GRIA4: variants seen among roughly 807,000 people sequenced by gnomAD.
GRIA4 encodes the protein glutamate ionotropic receptor AMPA type subunit 4, also known as glutamate receptor 4.
Under a neutral mutation model 104.0 loss-of-function variants are expected in GRIA4, and 34 were observed. The ratio of observed to expected loss-of-function variants is 0.33; its 90% CI spans 0.25 to 0.44. The LOEUF (loss-of-function observed/expected upper bound fraction) is 0.44, where lower values mean the gene tolerates loss of function less well. GRIA4 is among the 20% of genes least tolerant of loss of function. The probability of loss-of-function intolerance (pLI) is 1.00; values close to 1 mark genes in which losing one functional copy is unlikely to be tolerated. For synonymous variants in GRIA4, 386 were observed against 381.9 expected, an observed-to-expected ratio of 1.01 and a Z score of -0.13; for missense variants, 750 against 1,096.5, an observed-to-expected ratio of 0.68 and a Z score of 4.46.
In GRIA4 at chr11:105,887,451, T is replaced by C. The variant is rs1030584501; in HGVS notation, c.673-68T>C. The C allele has an allele frequency of 5.8e-6, 4 of 684,980 alleles. No homozygotes were observed. The Admixed American group carries it at 7.7e-5, about 13-fold the overall frequency. 42.4% of individuals were successfully genotyped at this position (684,980 alleles called of 1,614,324 possible). A position where few individuals can be genotyped will look rare whatever the true frequency, so the allele number is the denominator to read the frequency against. ...CTACATGGAATTATGCTAAAATAGA[T>C]AATAATTTTAAAATAATATTTCAGT... On this transcript the variant is annotated intron_variant, in intron 5 of 16. Transcript: ENST00000282499.
chr11:105,810,151 T>C (rs539554252), intron 4 of GRIA4, among the ~76,000 whole-genome samples: 4 of 152,292 alleles, frequency 2.6e-5, no homozygotes, highest in Admixed American at 2.0e-4. Context: ...CTGTCCAGCA[T>C]GGAGTTCTAC....
chr11:105,811,996 T>C (rs1002993518), intron 4 of GRIA4, among the ~76,000 whole-genome samples: 7 of 152,158 alleles, frequency 4.6e-5, no homozygotes, highest in Non-Finnish European at 1.0e-4. Context: ...CTGCAGACCG[T>C]GATTTTAGAG....
At chr11:105,938,467 T>C (rs1342388585) in intron 14 of GRIA4, among the ~76,000 whole-genome samples, 1 of 152,196 alleles carries the variant, frequency 6.6e-6, no homozygotes, top group Admixed American at 6.6e-5. Flanking sequence ...GAAGAAACTT[T>C]TAACATGCGT....
At chr11:105,946,293 A>T (rs1166454282) in intron 14 of GRIA4, among the ~76,000 whole-genome samples, 1 of 152,148 alleles carries the variant, frequency 6.6e-6, no homozygotes, top group African/African-American at 2.4e-5. Flanking sequence ...CAAGTGAAAG[A>T]ATTTAAAGGG....
chr11:105,858,595 A>G (rs1945104502), intron 4 of GRIA4, among the ~76,000 whole-genome samples: 1 of 152,080 alleles, frequency 6.6e-6, no homozygotes, highest in Non-Finnish European at 1.5e-5. Flanking sequence ...ATCAAAGACT[A>G]TATCTTATTT....
rs117494655 is a variant in GRIA4 at position 105,827,676 on chromosome 11, T to C, written c.488-34348T>C. 9.3e-3 allele frequency among the ~76,000 whole-genome samples: 1,409 copies of C among 152,038 alleles called. 7 individuals carry two copies. Among genetic ancestry groups the C allele is most frequent in the Non-Finnish European group, 0.014 (957 of 67,934 alleles). ...CAGTGCTGCAGAGCTAGAGAAGAAATAGAGCTATGCAGTATAACTGCTGAT... is the reference window on the plus strand; with the variant it reads ...CAGTGCTGCAGAGCTAGAGAAGAAACAGAGCTATGCAGTATAACTGCTGAT... On this transcript the variant is annotated intron_variant, in intron 4 of 16. Coordinates refer to ENST00000282499, the MANE Select transcript of GRIA4 (RefSeq NM_000829.4).
At chr11:105,912,036 C>T (rs947329653) in intron 10 of GRIA4, 2 of 1,166,002 alleles carry the variant, frequency 1.7e-6, no homozygotes, top group East Asian at 4.1e-5. Context: ...CTCTGGACTA[C>T]CAGAAAAAAA....
intron 6 of GRIA4, among the ~76,000 whole-genome samples, chr11:105,887,816 G>A (rs964124450): frequency 3.9e-5 from 6 of 152,038 alleles, no homozygotes; most frequent in African/African-American, 1.2e-4. Context: ...ACTTTGCTAC[G>A]ATACCACTTG....
intron 14 of GRIA4, among the ~76,000 whole-genome samples, chr11:105,948,847 T>G (rs146031433): frequency 5.4e-4 from 82 of 152,178 alleles, no homozygotes; most frequent in African/African-American, 1.7e-3. Flanking sequence ...CACCTCGGCC[T>G]CCGTAAGTGC....
At chr11:105,748,667 G>A (rs1939816527) in intron 3 of GRIA4, among the ~76,000 whole-genome samples, 1 of 152,170 alleles carries the variant, frequency 6.6e-6, no homozygotes, top group African/African-American at 2.4e-5. Flanking sequence ...ACAGGCATGA[G>A]CCACCGCGCC....
At chr11:105,631,874 A>G (rs142357319) in intron 3 of GRIA4, among the ~76,000 whole-genome samples, 199 of 152,286 alleles carry the variant, frequency 1.3e-3, no homozygotes, top group African/African-American at 4.4e-3. Flanking sequence ...AAGACTTAAT[A>G]AAGTGGAGTT....
intron 5 of GRIA4, among the ~76,000 whole-genome samples, chr11:105,866,003 G>A (rs989545926): frequency 4.6e-5 from 7 of 152,096 alleles, no homozygotes; most frequent in Admixed American, 3.9e-4. Flanking sequence ...TATCCCAATG[G>A]GTAGTTGGAT....
intron 3 of GRIA4, among the ~76,000 whole-genome samples, chr11:105,697,666 A>G (rs1440500895): frequency 6.6e-6 from 1 of 152,180 alleles, no homozygotes; most frequent in African/African-American, 2.4e-5. Context: ...CACCCATTTA[A>G]TTAAGATAGA....
intron 3 of GRIA4, among the ~76,000 whole-genome samples, chr11:105,689,223 G>C (rs1362366597): frequency 6.6e-6 from 1 of 152,150 alleles, no homozygotes; most frequent in East Asian, 1.9e-4. Context: ...TGAAATTGGA[G>C]AAAGTGTAAT....
At chr11:105,722,625 T>A (rs1427316859) in intron 3 of GRIA4, among the ~76,000 whole-genome samples, 2 of 152,164 alleles carry the variant, frequency 1.3e-5, no homozygotes, top group Non-Finnish European at 2.9e-5. Context: ...ATAACTTTAC[T>A]GATACTACTA....
chr11:105,847,098 C>A (rs1267664550), intron 4 of GRIA4, among the ~76,000 whole-genome samples: 3 of 152,044 alleles, frequency 2.0e-5, no homozygotes, highest in South Asian at 4.2e-4. Flanking sequence ...AGCACACAAT[C>A]TTTTTGGCAC....
At chr11:105,920,348 T>C (rs1947525499) in intron 11 of GRIA4, among the ~76,000 whole-genome samples, 1 of 152,212 alleles carries the variant, frequency 6.6e-6, no homozygotes, top group Non-Finnish European at 1.5e-5. Context: ...AAACTTTTGA[T>C]ACAGTAAGCA....
chr11:105,739,420 T>C (rs1939173718), intron 3 of GRIA4, among the ~76,000 whole-genome samples: 1 of 152,202 alleles, frequency 6.6e-6, no homozygotes, highest in Admixed American at 6.6e-5. Context: ...TGATCTTTGA[T>C]GGTGCTGTCC....
chr11:105,629,327 T>C (rs1203717604), intron 3 of GRIA4, among the ~76,000 whole-genome samples: 1 of 151,824 alleles, frequency 6.6e-6, no homozygotes. Context: ...GTGATAGTAA[T>C]ACTCTAGATT....
Sources: allele counts gnomAD v4.1 joint callset (sites outside exome capture counted in the v4.1 genomes callset), GRCh38; gene constraint gnomAD v4.1.1; transcripts MANE v1.5; gene names NCBI Gene and HGNC (gene_info 2026-07-23, HGNC 2026-07-21).